Variants in CDH13 observed in about 807,000 individuals in gnomAD.
The protein encoded by CDH13 is cadherin 13.
A neutral mutation model predicts 63.8 loss-of-function variants in CDH13; 24 were observed. That is an observed-to-expected ratio of 0.38 (90% confidence interval 0.27 to 0.53). CDH13 has a LOEUF of 0.53. CDH13 is among the 20% of genes least tolerant of loss of function. CDH13 has a pLI of 0.85. For synonymous variants in CDH13, 503 were observed against 355.3 expected (o/e 1.42, Z -4.67); for missense variants, 1,049 against 903.1 (o/e 1.16, Z -2.07).
chr16:83,547,867 C>T lies in CDH13; in HGVS notation c.961-54587C>T, dbSNP rs556498381. Among the ~76,000 whole-genome samples the T allele has an allele frequency of 5.3e-5, 8 of 152,178 alleles. No homozygotes were observed. In the East Asian group the frequency reaches 1.5e-3, roughly 29 times the overall value. Reference sequence around the variant, plus strand: ...AGGGTGTTGTAGTGGGAAGCTGTGGCCTGCAGAAGCTATCCTGGGGCATCA... The same window carrying T: ...AGGGTGTTGTAGTGGGAAGCTGTGGTCTGCAGAAGCTATCCTGGGGCATCA... On this transcript the variant is annotated intron_variant, in intron 7 of 13. Coordinates refer to ENST00000567109, the MANE Select transcript of CDH13 (RefSeq NM_001257.5).
intron 2 of CDH13, among the ~76,000 whole-genome samples, chr16:82,979,491 C>G (rs72792105): frequency 0.14 from 21,764 of 152,068 alleles, 1,942 homozygotes; most frequent in Non-Finnish European, 0.2. Context: ...TACCCTCATG[C>G]TGTTTTCATG....
chr16:83,720,179 G>A (rs1263148178), intron 10 of CDH13, among the ~76,000 whole-genome samples: 7 of 151,840 alleles, frequency 4.6e-5, no homozygotes, highest in South Asian at 2.1e-4. Flanking sequence ...CAGTACATAC[G>A]TACACACACA....
intron 1 of CDH13, among the ~76,000 whole-genome samples, chr16:82,672,829 T>G (rs1041506257): frequency 1.3e-5 from 2 of 151,314 alleles, no homozygotes; most frequent in South Asian, 4.2e-4. Flanking sequence ...AATATATATA[T>G]TTGGAGACAG....
chr16:83,313,631 C>A (rs1160660141), intron 5 of CDH13, among the ~76,000 whole-genome samples: 5 of 143,432 alleles, frequency 3.5e-5, no homozygotes, highest in Admixed American at 2.8e-4. Context: ...CTCTCAAGAA[C>A]CCTTACCATT....
chr16:83,691,612 C>T (rs756821417), intron 10 of CDH13, among the ~76,000 whole-genome samples: 2 of 152,068 alleles, frequency 1.3e-5, no homozygotes, highest in Non-Finnish European at 2.9e-5. Context: ...GTCAGGAGTT[C>T]AAGACCAGCA....
chr16:83,502,684 C>T (rs2074308957), intron 7 of CDH13, among the ~76,000 whole-genome samples: 1 of 152,138 alleles, frequency 6.6e-6, no homozygotes, highest in South Asian at 2.1e-4. Context: ...AAAGAGATGA[C>T]AGGTGAAGTA....
intron 5 of CDH13, among the ~76,000 whole-genome samples, chr16:83,330,438 T>C (rs1249830609): frequency 6.6e-6 from 1 of 152,210 alleles, no homozygotes; most frequent in African/African-American, 2.4e-5. Flanking sequence ...GGTTAGAGTG[T>C]GCCACTGCAA....
At chr16:82,750,034 C>G (rs1056254705) in intron 1 of CDH13, among the ~76,000 whole-genome samples, 2 of 152,122 alleles carry the variant, frequency 1.3e-5, no homozygotes, top group African/African-American at 2.4e-5. Context: ...TCCCCCATAA[C>G]CCTTTAAAGT....
chr16:83,482,912 C>T (rs546767770), intron 6 of CDH13, among the ~76,000 whole-genome samples: 1 of 152,348 alleles, frequency 6.6e-6, no homozygotes, highest in East Asian at 1.9e-4. Context: ...TCTCCTGTAT[C>T]TGAGGCCTTT....
intron 8 of CDH13, among the ~76,000 whole-genome samples, chr16:83,620,347 C>T (rs531916668): frequency 1.3e-3 from 189 of 144,534 alleles, no homozygotes; most frequent in Non-Finnish European, 2.1e-3. Context: ...GCCGAGATCG[C>T]ACCACTGCAC....
chr16:82,843,728 A>G (rs1423078535), intron 1 of CDH13, among the ~76,000 whole-genome samples: 1 of 152,240 alleles, frequency 6.6e-6, no homozygotes, highest in Non-Finnish European at 1.5e-5. Flanking sequence ...AATGTCTGGC[A>G]GAGAAGAAAG....
intron 7 of CDH13, among the ~76,000 whole-genome samples, chr16:83,532,127 G>C (rs1267705870): frequency 6.6e-6 from 1 of 152,156 alleles, no homozygotes; most frequent in East Asian, 1.9e-4. Context: ...TGCCATGTGA[G>C]ATGTGCCTTT....
chr16:82,788,970 C>G, intron 1 of CDH13, among the ~76,000 whole-genome samples: 1 of 152,218 alleles, frequency 6.6e-6, no homozygotes, highest in East Asian at 1.9e-4. Flanking sequence ...GCTGAATCCC[C>G]TACTAGGCCG....
chr16:83,120,296 G>A (rs894946180), intron 3 of CDH13, among the ~76,000 whole-genome samples: 2 of 152,238 alleles, frequency 1.3e-5, no homozygotes, highest in African/African-American at 4.8e-5. Flanking sequence ...TGATGAGCTG[G>A]TGAGCTGGGA....
intron 6 of CDH13, among the ~76,000 whole-genome samples, chr16:83,350,176 G>A (rs747413866): frequency 9.2e-5 from 14 of 152,206 alleles, no homozygotes; most frequent in African/African-American, 2.4e-4. Context: ...TTGAGGCCTC[G>A]GCCTTCCAAC....
chr16:83,092,923 A>G (rs376524665), intron 3 of CDH13, among the ~76,000 whole-genome samples: 17 of 152,320 alleles, frequency 1.1e-4, no homozygotes, highest in Admixed American at 3.9e-4. Context: ...AGGTAACGGT[A>G]CTTTTGCGCA....
chr16:83,111,044 T>C (rs892635994), intron 3 of CDH13, among the ~76,000 whole-genome samples: 15 of 134,940 alleles, frequency 1.1e-4, no homozygotes, highest in African/African-American at 3.4e-4. Flanking sequence ...TGGTGTCGGG[T>C]GCCTGTAGTC....
intron 1 of CDH13, among the ~76,000 whole-genome samples, chr16:82,683,723 C>T (rs1914784001): frequency 6.6e-6 from 1 of 152,198 alleles, no homozygotes; most frequent in African/African-American, 2.4e-5. Flanking sequence ...CTATCCACAC[C>T]ATCTAGCTCA....
chr16:83,652,398 G>T (rs1159445457), intron 8 of CDH13, among the ~76,000 whole-genome samples: 1 of 152,158 alleles, frequency 6.6e-6, no homozygotes, highest in Non-Finnish European at 1.5e-5. Context: ...TTAGACATGT[G>T]CTTTCTCCAG....
Sources: gnomAD v4.1 joint callset for allele counts (sites outside exome capture counted in the v4.1 genomes callset) on GRCh38, gnomAD v4.1.1 for gene constraint, MANE v1.5 for transcripts, NCBI Gene and HGNC (gene_info 2026-07-23, HGNC 2026-07-21) for gene names.